The following DLGAP2 variants were observed in gnomAD, a reference collection of about 807,000 sequenced individuals.
The protein encoded by DLGAP2 is disks large-associated protein 2.
A neutral mutation model predicts 100.3 loss-of-function variants in DLGAP2; 26 were observed. The observed-to-expected ratio is 0.26, with a 90% confidence interval of 0.19 to 0.36. The LOEUF (loss-of-function observed/expected upper bound fraction) is 0.36, where lower values mean the gene tolerates loss of function less well. Ranked by LOEUF, DLGAP2 falls within the 10% of genes least tolerant of loss-of-function variation. DLGAP2 has a pLI of 1.00. For missense variants in DLGAP2, 1,858 were observed against 1,453.2 expected (o/e 1.28, Z -4.53); for synonymous variants, 886 against 630.1 (o/e 1.41, Z -6.08).
intron 12 of DLGAP2, among the ~76,000 whole-genome samples, chr8:1,685,556 T>C (rs1230245498): frequency 6.6e-6 from 1 of 152,066 alleles, no homozygotes; most frequent in Non-Finnish European, 1.5e-5. Flanking sequence ...GATGTTGCCA[T>C]ACAACCCAAC....
chr8:811,759 G>T (rs952615123), intron 1 of DLGAP2, among the ~76,000 whole-genome samples: 2 of 152,166 alleles, frequency 1.3e-5, no homozygotes, highest in Non-Finnish European at 1.5e-5. Flanking sequence ...CCCTGCCAGG[G>T]CTCCTGCCGT....
In DLGAP2 at chr8:1,039,617, TCGG is replaced by T. The variant is rs1802250388; in HGVS notation, c.73+131652_73+131654del. On this transcript the variant is annotated intron_variant, in intron 2 of 14. Coordinates refer to ENST00000637795, the MANE Select transcript of DLGAP2 (RefSeq NM_001346810.2). ...GGTCAGCTTGGTGTGCGTGGTCAGC[TCGG>T]TGTGCGTGGTCAGCTCGGTGTGCGT... 3.0e-5 allele frequency among the ~76,000 whole-genome samples: 2 copies of T among 66,826 alleles called. 1 individual carries two copies. The highest frequency in any genetic ancestry group is 3.0e-4 in the Admixed American group (2 of 6,676). The allele number at this position is 66,826 out of a possible 152,430, so 43.8% of individuals were successfully genotyped here. A position where few individuals can be genotyped will look rare whatever the true frequency, so the allele number is the denominator to read the frequency against.
intron 3 of DLGAP2, among the ~76,000 whole-genome samples, chr8:1,413,615 C>T (rs1796794590): frequency 6.6e-6 from 1 of 152,224 alleles, no homozygotes; most frequent in African/African-American, 2.4e-5. Context: ...AGGCCCTTCT[C>T]TGGATGGAGG....
chr8:1,063,828 C>T (rs775754288), intron 2 of DLGAP2, among the ~76,000 whole-genome samples: 2 of 152,128 alleles, frequency 1.3e-5, no homozygotes, highest in Non-Finnish European at 2.9e-5. Flanking sequence ...CCTCTCCACA[C>T]GGAGGTTTAG....
At chr8:867,944 TTTG>T (rs1411446693) in intron 1 of DLGAP2, among the ~76,000 whole-genome samples, 1 of 152,242 alleles carries the variant, frequency 6.6e-6, no homozygotes, top group Non-Finnish European at 1.5e-5. Flanking sequence ...TATGAAAAGA[TTTG>T]TTAACATCTG....
At chr8:1,127,125 G>A (rs1328710132) in intron 2 of DLGAP2, among the ~76,000 whole-genome samples, 2 of 149,058 alleles carry the variant, frequency 1.3e-5, no homozygotes, top group East Asian at 4.1e-4. Flanking sequence ...CCTTCTGCTT[G>A]TGTTCCTGGA....
chr8:1,292,253 G>T (rs1348663226), intron 3 of DLGAP2, among the ~76,000 whole-genome samples: 1 of 152,312 alleles, frequency 6.6e-6, no homozygotes, highest in Non-Finnish European at 1.5e-5. Context: ...AAAGGTATTG[G>T]GTTCCCTCTG....
intron 2 of DLGAP2, among the ~76,000 whole-genome samples, chr8:1,063,956 A>T (rs1803166905): frequency 6.6e-6 from 1 of 152,188 alleles, no homozygotes; most frequent in Admixed American, 6.5e-5. Flanking sequence ...TGGCCTCCGC[A>T]GCCAGGGTCG....
chr8:1,220,134 A>T (rs898034561), intron 2 of DLGAP2, among the ~76,000 whole-genome samples: 1 of 151,862 alleles, frequency 6.6e-6, no homozygotes, highest in Non-Finnish European at 1.5e-5. Context: ...GATTTAGGCA[A>T]TTTGTTTTCT....
At chr8:1,634,160 C>A (rs1048354561) in intron 8 of DLGAP2, among the ~76,000 whole-genome samples, 1 of 152,202 alleles carries the variant, frequency 6.6e-6, no homozygotes, top group Non-Finnish European at 1.5e-5. Flanking sequence ...GGCTTGTTAA[C>A]GTTTCTGACT....
At chr8:1,531,221 A>G in intron 4 of DLGAP2, among the ~76,000 whole-genome samples, 1 of 148,622 alleles carries the variant, frequency 6.7e-6, no homozygotes, top group Middle Eastern at 3.4e-3. Flanking sequence ...AAATAGTAAG[A>G]TATTATTAGA....
At chr8:1,253,929 T>C (rs191613273) in intron 2 of DLGAP2, among the ~76,000 whole-genome samples, 23 of 152,320 alleles carry the variant, frequency 1.5e-4, no homozygotes, top group African/African-American at 4.1e-4. Flanking sequence ...ATGTAACCTG[T>C]GATGAAGATG....
chr8:1,102,810 G>A (rs778192269), intron 2 of DLGAP2, among the ~76,000 whole-genome samples: 92 of 152,218 alleles, frequency 6.0e-4, no homozygotes, highest in Non-Finnish European at 1.1e-3. Flanking sequence ...CCCTGGGGGA[G>A]GTGACGGGGC....
chr8:1,490,465 C>T (rs1489755471), intron 3 of DLGAP2, among the ~76,000 whole-genome samples: 1 of 152,274 alleles, frequency 6.6e-6, no homozygotes, highest in African/African-American at 2.4e-5. Context: ...TGAAAAAGTT[C>T]TATCCAGAAA....
At chr8:995,655 A>G (rs1293315153) in intron 2 of DLGAP2, among the ~76,000 whole-genome samples, 1 of 152,240 alleles carries the variant, frequency 6.6e-6, no homozygotes, top group African/African-American at 2.4e-5. Flanking sequence ...AAGATCTAAG[A>G]TGGCTAACAC....
At chr8:1,049,480 C>T (rs1802610743) in intron 2 of DLGAP2, among the ~76,000 whole-genome samples, 1 of 151,998 alleles carries the variant, frequency 6.6e-6, no homozygotes, top group African/African-American at 2.4e-5. Context: ...ATACAATTTA[C>T]CCTTTTATCC....
chr8:1,443,461 T>G (rs569684656), intron 3 of DLGAP2, among the ~76,000 whole-genome samples: 2 of 152,218 alleles, frequency 1.3e-5, no homozygotes, highest in African/African-American at 4.8e-5. Context: ...ATGAATATAT[T>G]CTCACATCCC....
chr8:1,176,794 G>C (rs1189902392), intron 2 of DLGAP2, among the ~76,000 whole-genome samples: 1 of 152,174 alleles, frequency 6.6e-6, no homozygotes, highest in Non-Finnish European at 1.5e-5. Flanking sequence ...GGTCTCGGTT[G>C]GAGGCAGGCC....
At chr8:1,333,858 C>A (rs924530406) in intron 3 of DLGAP2, among the ~76,000 whole-genome samples, 1 of 152,236 alleles carries the variant, frequency 6.6e-6, no homozygotes, top group Non-Finnish European at 1.5e-5. Context: ...TCAGATCTAG[C>A]AGAGCAGGGG....
Sources: gnomAD v4.1 joint callset for allele counts (sites outside exome capture counted in the v4.1 genomes callset) on GRCh38, gnomAD v4.1.1 for gene constraint, MANE v1.5 for transcripts, NCBI Gene and HGNC (gene_info 2026-07-23, HGNC 2026-07-21) for gene names.